The following TENM2 variants were observed in gnomAD, a reference collection of about 807,000 sequenced individuals.
TENM2 encodes the protein teneurin transmembrane protein 2, also known as teneurin-2.
Under a neutral mutation model 245.2 loss-of-function variants are expected in TENM2, and 52 were observed. That is an observed-to-expected ratio of 0.21 (90% CI 0.17 to 0.27). TENM2 has a LOEUF of 0.27. Ranked by LOEUF, TENM2 falls within the 10% of genes least tolerant of loss-of-function variation. The pLI, the probability that TENM2 is intolerant of heterozygous loss-of-function variation, is 1.00. For synonymous variants in TENM2, 1,363 were observed against 1,438.9 expected (o/e 0.95, Z 1.19); for missense variants, 3,046 against 3,666.8 (o/e 0.83, Z 4.37).
intron 2 of TENM2, among the ~76,000 whole-genome samples, chr5:167,485,276 C>T (rs1767987244): frequency 6.6e-6 from 1 of 152,088 alleles, no homozygotes; most frequent in Non-Finnish European, 1.5e-5. Flanking sequence ...GATTAATCTT[C>T]CCAGGAAGAA....
At chr5:167,542,411 T>A (rs1469089141) in intron 2 of TENM2, among the ~76,000 whole-genome samples, 1 of 152,150 alleles carries the variant, frequency 6.6e-6, no homozygotes, top group Non-Finnish European at 1.5e-5. Flanking sequence ...CTGTACATCA[T>A]GTGAATAAGA....
At chr5:167,562,728 G>A (rs1469382372) in intron 2 of TENM2, among the ~76,000 whole-genome samples, 2 of 151,956 alleles carry the variant, frequency 1.3e-5, no homozygotes, top group Admixed American at 6.6e-5. Flanking sequence ...AGGCTGAGGC[G>A]GGTGGATCAC....
chr5:167,985,659 A>G (rs1783188812), intron 4 of TENM2, among the ~76,000 whole-genome samples: 1 of 152,072 alleles, frequency 6.6e-6, no homozygotes, highest in Admixed American at 6.5e-5. Context: ...CAGCACAATT[A>G]TTTGTATAGT....
chr5:167,096,110 T>A, the TENM2 span, among the ~76,000 whole-genome samples: 1 of 152,188 alleles, frequency 6.6e-6, no homozygotes, highest in Admixed American at 6.5e-5. Context: ...TGTTTGTGTG[T>A]TTCATTTTAT....
At chr5:167,420,383 A>G (rs1312073171) in intron 2 of TENM2, among the ~76,000 whole-genome samples, 2 of 152,294 alleles carry the variant, frequency 1.3e-5, no homozygotes, top group Non-Finnish European at 2.9e-5. Flanking sequence ...GAGGACATGT[A>G]TAGCTGGTAA....
intron 2 of TENM2, among the ~76,000 whole-genome samples, chr5:167,672,869 C>T (rs1413767758): frequency 6.7e-6 from 1 of 150,250 alleles, no homozygotes; most frequent in Non-Finnish European, 1.5e-5. Flanking sequence ...GAAAAGTAAG[C>T]CAAAAATTAG....
chr5:168,062,414 C>A, intron 7 of TENM2, 149 bp downstream of exon 9: 2 of 678,808 alleles, frequency 2.9e-6, no homozygotes, highest in Non-Finnish European at 4.9e-6. Context: ...GAAATAAGAA[C>A]CCTTGTACAT....
exon 8 of TENM2, chr5:168,090,637 C>T (rs972252567): frequency 4.3e-6 from 7 of 1,613,682 alleles, no homozygotes; most frequent in Non-Finnish European, 4.2e-6. Context: ...TCCCAGGGAA[C>T]GCCGGAGCAT....
intron 2 of TENM2, among the ~76,000 whole-genome samples, chr5:167,766,454 T>C (rs1227051475): frequency 6.6e-6 from 1 of 152,246 alleles, no homozygotes; most frequent in Non-Finnish European, 1.5e-5. Context: ...GAAGGATGTT[T>C]CTTAGTTCAA....
At chr5:168,127,097 G>T in intron 12 of TENM2, 131 bp downstream of exon 14, 1 of 810,514 alleles carries the variant, frequency 1.2e-6, no homozygotes, top group Non-Finnish European at 2.0e-6. Context: ...CAGGGGATAG[G>T]GAAGGAGAAA....
At chr5:167,735,859 A>C (rs1004996968) in intron 2 of TENM2, among the ~76,000 whole-genome samples, 2 of 152,192 alleles carry the variant, frequency 1.3e-5, no homozygotes, top group African/African-American at 4.8e-5. Context: ...TGACCGGTTC[A>C]TACCAATCCA....
At chr5:167,118,357 A>G in the TENM2 span, among the ~76,000 whole-genome samples, 2 of 152,224 alleles carry the variant, frequency 1.3e-5, no homozygotes, top group African/African-American at 4.8e-5. Flanking sequence ...GCACTGAAAT[A>G]GAAAAATATA....
At chr5:168,211,696 G>A in intron 19 of TENM2, 38 bp from the exon 22 acceptor site, 2 of 1,245,020 alleles carry the variant, frequency 1.6e-6, no homozygotes, top group East Asian at 2.6e-5. Context: ...TCTGCTAACT[G>A]TTTGTTCTTT....
At chr5:167,530,536 T>C (rs1362997819) in intron 2 of TENM2, among the ~76,000 whole-genome samples, 1 of 152,202 alleles carries the variant, frequency 6.6e-6, no homozygotes, top group Non-Finnish European at 1.5e-5. Flanking sequence ...AAATGGCAGT[T>C]ATCAGCAGAA....
At chr5:167,891,544 G>C (rs1774759105) in intron 3 of TENM2, among the ~76,000 whole-genome samples, 1 of 152,278 alleles carries the variant, frequency 6.6e-6, no homozygotes, top group Non-Finnish European at 1.5e-5. Flanking sequence ...TTATTACATA[G>C]CTGGGGCTTA....
chr5:167,796,691 A>G (rs1008630694), intron 2 of TENM2, among the ~76,000 whole-genome samples: 1 of 152,030 alleles, frequency 6.6e-6, no homozygotes, highest in Admixed American at 6.6e-5. Flanking sequence ...GGAGTGGCTC[A>G]TGGCTGCAGG....
the TENM2 span, among the ~76,000 whole-genome samples, chr5:166,987,272 G>T: frequency 6.6e-6 from 1 of 152,146 alleles, no homozygotes; most frequent in Non-Finnish European, 1.5e-5. Context: ...CCCCCATGGG[G>T]TGTACACAGA....
At chr5:167,337,102 C>T (rs1397134064) in intron 1 of TENM2, among the ~76,000 whole-genome samples, 11 of 108,410 alleles carry the variant, frequency 1.0e-4, no homozygotes, top group African/African-American at 3.2e-4. Flanking sequence ...CCGGCCTGGG[C>T]GACAGAGGGA....
intron 2 of TENM2, among the ~76,000 whole-genome samples, chr5:167,683,165 A>G (rs1440258705): frequency 6.6e-6 from 1 of 152,184 alleles, no homozygotes; most frequent in Non-Finnish European, 1.5e-5. Context: ...AGCAATTATA[A>G]TCTGTATTAA....
Sources: allele counts gnomAD v4.1 joint callset (sites outside exome capture counted in the v4.1 genomes callset), GRCh38; gene constraint gnomAD v4.1.1; transcripts MANE v1.5; gene names NCBI Gene and HGNC (gene_info 2026-07-23, HGNC 2026-07-21).